SPAG16: variants seen among roughly 807,000 people sequenced by gnomAD.
SPAG16 encodes sperm associated antigen 16.
Under a neutral mutation model 80.4 loss-of-function variants are expected in SPAG16, and 86 were observed. The observed-to-expected ratio is 1.07, with a 90% CI of 0.90 to 1.28. SPAG16 has a LOEUF of 1.28. Among genes scored for constraint, SPAG16 ranks in the 50% most tolerant of loss-of-function variants. The pLI, the probability that SPAG16 is intolerant of heterozygous loss-of-function variation, is 0.00. For missense variants in SPAG16, 870 were observed against 765.3 expected (o/e 1.14, Z -1.61); for synonymous variants, 294 against 265.9 (o/e 1.11, Z -1.03).
intron 9 of SPAG16, among the ~76,000 whole-genome samples, chr2:213,447,616 C>T (rs113692357): frequency 6.6e-6 from 1 of 152,176 alleles, no homozygotes; most frequent in Non-Finnish European, 1.5e-5. Flanking sequence ...ATCGGGCGTT[C>T]CCACCGCCAC....
At chr2:214,014,509 A>G (rs897763729) in intron 13 of SPAG16, among the ~76,000 whole-genome samples, 2 of 152,188 alleles carry the variant, frequency 1.3e-5, no homozygotes, top group African/African-American at 4.8e-5. Flanking sequence ...TATCTGCTGG[A>G]AGAGTGTGGA....
intron 9 of SPAG16, among the ~76,000 whole-genome samples, chr2:213,411,399 C>T (rs187045610): frequency 1.8e-4 from 28 of 152,176 alleles, no homozygotes; most frequent in Admixed American, 1.8e-3. Context: ...CAACCAACAG[C>T]GATTTATTAA....
intron 9 of SPAG16, among the ~76,000 whole-genome samples, chr2:213,441,209 C>T (rs1229206856): frequency 1.7e-4 from 26 of 152,240 alleles, no homozygotes; most frequent in Non-Finnish European, 1.2e-4. Flanking sequence ...GCACATTCAA[C>T]ATAAGCAACT....
intron 13 of SPAG16, among the ~76,000 whole-genome samples, chr2:214,037,913 G>GTGTA (rs1285668894): frequency 1.4e-5 from 2 of 144,568 alleles, no homozygotes; most frequent in Non-Finnish European, 3.1e-5. Context: ...GTGTGTGTGT[G>GTGTA]TATCCAAGTC....
At chr2:214,064,384 A>C (rs1056507408) in intron 13 of SPAG16, among the ~76,000 whole-genome samples, 4 of 152,086 alleles carry the variant, frequency 2.6e-5, no homozygotes. Context: ...TATTGGGAGC[A>C]ATTATTCTCT....
Position 213,350,644 on chromosome 2 carries a change from A to C in SPAG16, c.761A>C (p.Gln254Pro). Residue 254 changes from glutamine (Q) to proline (P), a missense_variant and splice_region_variant, in exon 7 of 16, where the codon CAG becomes CCG. Physicochemically the swap from Gln to Pro is moderately conservative, Grantham distance 76. Coordinates refer to ENST00000331683, the MANE Select transcript of SPAG16 (RefSeq NM_024532.5). ...TTGGAAAGAGACAAAGTAGTTGGGC[A>C]GGTAAAGATATAGTCAAAGCTAACT... Reference protein sequence around the residue: ...TSLERDKVVGQISGLQETLKK... With the variant: ...TSLERDKVVGPISGLQETLKK... 1 of 1,537,846 alleles carries C rather than the reference A, an allele frequency of 6.5e-7. No homozygotes were observed. Among genetic ancestry groups the C allele is most frequent in the Non-Finnish European group, 8.8e-7 (1 of 1,133,388 alleles).
chr2:214,257,892 C>T (rs1690812092), intron 15 of SPAG16, among the ~76,000 whole-genome samples: 1 of 152,098 alleles, frequency 6.6e-6, no homozygotes, highest in Middle Eastern at 3.4e-3. Flanking sequence ...CTATTTCTTC[C>T]TTAAATGTTT....
At chr2:214,320,381 C>T (rs1211623526) in intron 15 of SPAG16, among the ~76,000 whole-genome samples, 1 of 152,224 alleles carries the variant, frequency 6.6e-6, no homozygotes, top group Non-Finnish European at 1.5e-5. Flanking sequence ...CCTTTCTTCA[C>T]ATAGCATGTA....
chr2:214,186,734 G>A (rs186058048), intron 15 of SPAG16, among the ~76,000 whole-genome samples: 1 of 152,012 alleles, frequency 6.6e-6, no homozygotes, highest in East Asian at 1.9e-4. Flanking sequence ...ACAGAAACAT[G>A]CAATATGCAA....
At chr2:214,150,005 G>A (rs1202718348) in intron 15 of SPAG16, among the ~76,000 whole-genome samples, 1 of 151,944 alleles carries the variant, frequency 6.6e-6, no homozygotes, top group Non-Finnish European at 1.5e-5. Context: ...CTTTGCTATT[G>A]TGATACATGT....
At chr2:213,840,258 C>T (rs1344634) in intron 10 of SPAG16, among the ~76,000 whole-genome samples, 137,916 of 152,148 alleles carry the variant, frequency 0.91, 64,059 homozygotes, top group East Asian at 1. Flanking sequence ...AAGAAAAGAA[C>T]TGTGGCAATT....
intron 11 of SPAG16, among the ~76,000 whole-genome samples, chr2:213,899,271 A>G (rs1000964548): frequency 6.6e-6 from 1 of 152,026 alleles, no homozygotes; most frequent in East Asian, 1.9e-4. Context: ...TTCCTCCTGT[A>G]CTCTAAAGGC....
intron 15 of SPAG16, among the ~76,000 whole-genome samples, chr2:214,176,744 A>G (rs2057097285): frequency 6.6e-6 from 1 of 151,036 alleles, no homozygotes. Flanking sequence ...AAAATTTTCC[A>G]TGTATGCTTA....
intron 10 of SPAG16, among the ~76,000 whole-genome samples, chr2:213,544,888 G>C (rs1366084437): frequency 6.6e-6 from 1 of 152,142 alleles, no homozygotes; most frequent in East Asian, 1.9e-4. Flanking sequence ...ATATTCCATT[G>C]TCTAGCTGTA....
intron 14 of SPAG16, among the ~76,000 whole-genome samples, chr2:214,118,710 G>A (rs752584128): frequency 5.3e-5 from 8 of 152,018 alleles, no homozygotes; most frequent in Non-Finnish European, 1.0e-4. Flanking sequence ...GACATATGGC[G>A]ATTATGGGAA....
chr2:214,041,955 T>C (rs2049031406), intron 13 of SPAG16, among the ~76,000 whole-genome samples: 1 of 133,706 alleles, frequency 7.5e-6, no homozygotes, highest in Non-Finnish European at 1.6e-5. Flanking sequence ...ATAGTTTGTG[T>C]ATATATTTGT....
chr2:213,549,212 A>G (rs936326439), intron 10 of SPAG16, among the ~76,000 whole-genome samples: 8 of 152,030 alleles, frequency 5.3e-5, no homozygotes, highest in Admixed American at 4.6e-4. Context: ...ATAACATTCA[A>G]ATAGGAATTT....
intron 9 of SPAG16, among the ~76,000 whole-genome samples, chr2:213,459,690 A>G (rs1016519562): frequency 1.3e-5 from 2 of 152,230 alleles, no homozygotes; most frequent in Non-Finnish European, 2.9e-5. Flanking sequence ...GATTCAGAAG[A>G]AAATGAACTC....
intron 12 of SPAG16, among the ~76,000 whole-genome samples, chr2:213,990,277 G>A (rs1420286217): frequency 2.6e-5 from 4 of 152,046 alleles, no homozygotes; most frequent in Non-Finnish European, 5.9e-5. Flanking sequence ...TAAAATACTA[G>A]AGTTGTATTA....
Sources: gnomAD v4.1 joint callset for allele counts (sites outside exome capture counted in the v4.1 genomes callset) on GRCh38, gnomAD v4.1.1 for gene constraint, MANE v1.5 for transcripts, NCBI Gene and HGNC (gene_info 2026-07-23, HGNC 2026-07-21) for gene names.